ARL5A: variants seen among roughly 807,000 people sequenced by gnomAD.
ARL5A encodes the protein ARF like GTPase 5A, also known as ADP-ribosylation factor-like protein 5A.
Under a neutral mutation model 25.9 loss-of-function variants are expected in ARL5A, and 18 were observed. The observed-to-expected ratio is 0.69, with a 90% confidence interval of 0.48 to 1.03. The LOEUF (loss-of-function observed/expected upper bound fraction) is 1.03, where lower values mean the gene tolerates loss of function less well. Ranked by LOEUF, ARL5A falls within the 50% of genes least tolerant of loss-of-function variation. The pLI, the probability that ARL5A is intolerant of heterozygous loss-of-function variation, is 0.00. For synonymous variants in ARL5A, 61 were observed against 67.5 expected (o/e 0.90, Z 0.47); for missense variants, 170 against 211.9 (o/e 0.80, Z 1.23).
intron 1 of ARL5A, among the ~76,000 whole-genome samples, chr2:151,827,050 G>A (rs1578385268): frequency 6.6e-6 from 1 of 152,160 alleles, no homozygotes; most frequent in South Asian, 2.1e-4. Context: ...AGTAGTAGGT[G>A]TACATAATAG....
chr2:151,826,947 C>T (rs2099833139), intron 1 of ARL5A, among the ~76,000 whole-genome samples: 2 of 147,006 alleles, frequency 1.4e-5, no homozygotes, highest in Non-Finnish European at 3.0e-5. Context: ...TGTGTGTGTG[C>T]GTAAAAGATA....
chr2:151,819,512 A>G (rs1186552341), intron 1 of ARL5A, among the ~76,000 whole-genome samples: 1 of 152,232 alleles, frequency 6.6e-6, no homozygotes, highest in Non-Finnish European at 1.5e-5. Context: ...TTGTTTCCAA[A>G]GAACTTCTGA....
chr2:151,828,041 C>T (rs2099833324), intron 1 of ARL5A, 90 bp downstream of exon 1: 3 of 1,428,528 alleles, frequency 2.1e-6, no homozygotes, highest in African/African-American at 2.9e-5. Context: ...GACCGAGCCG[C>T]CCACATTCCG....
At chr2:151,815,239 G>T in intron 1 of ARL5A, 40 bp from the exon 2 acceptor site, 1 of 1,497,408 alleles carries the variant, frequency 6.7e-7, no homozygotes. Context: ...TTTCAAAAAA[G>T]GAAAAAAAAA....
At chr2:151,815,655 T>G (rs1292395781) in intron 1 of ARL5A, among the ~76,000 whole-genome samples, 1 of 152,162 alleles carries the variant, frequency 6.6e-6, no homozygotes, top group African/African-American at 2.4e-5. Flanking sequence ...TTTAAATGGG[T>G]AATCGTAAAT....
At position 151,799,818 on chromosome 2, in the gene ARL5A, T is replaced by G. The variant is rs369054819; in HGVS notation, c.*3458A>C. On this transcript the variant is annotated 3_prime_UTR_variant, in exon 6 of 6. Coordinates refer to ENST00000295087, the MANE Select transcript of ARL5A (RefSeq NM_012097.4). ...ATAGAAACCACTGGTTTGGAAACCA[T>G]TGTCTATAACAATAGTTACAAAGAA... 3 of 152,252 alleles carry G rather than the reference T, an allele frequency of 2.0e-5. No individual in the cohort carries two copies. Among genetic ancestry groups the G allele is most frequent in the African/African-American group, 7.2e-5 (3 of 41,542 alleles). 9.4% of individuals were successfully genotyped at this position (152,252 alleles called of 1,614,324 possible).
At chr2:151,813,028 G>A (rs1476569312) in intron 3 of ARL5A, among the ~76,000 whole-genome samples, 2 of 152,148 alleles carry the variant, frequency 1.3e-5, no homozygotes, top group Non-Finnish European at 2.9e-5. Context: ...AAAGACTTGT[G>A]ATTGTTGTGC....
chr2:151,826,980 T>C (rs1578385227), intron 1 of ARL5A, among the ~76,000 whole-genome samples: 1 of 152,182 alleles, frequency 6.6e-6, no homozygotes, highest in African/African-American at 2.4e-5. Flanking sequence ...CAAGTTCTAG[T>C]TCTGCTTGCT....
intron 1 of ARL5A, among the ~76,000 whole-genome samples, chr2:151,815,876 T>C (rs891757050): frequency 2.0e-5 from 3 of 152,316 alleles, no homozygotes; most frequent in South Asian, 4.1e-4. Flanking sequence ...GATGTTTTCT[T>C]GCACCCTCTT....
rs1259644037 is a variant in ARL5A, at chr2:151,803,041, T to C, written c.*235A>G. ...CACAATGTCCTGAGAGGATTCATTA[T>C]GAGAAAAATGTCAATCACAGCTTCA... On this transcript the variant is annotated 3_prime_UTR_variant, in exon 6 of 6. Coordinates refer to ENST00000295087, the MANE Select transcript of ARL5A (RefSeq NM_012097.4). 1.3e-5 allele frequency: 6 copies of C among 479,328 alleles called. No homozygotes were observed. The highest frequency in any genetic ancestry group is 4.0e-5 in the African/African-American group (2 of 49,710). The allele number at this position is 479,328 out of a possible 1,614,324, so 29.7% of individuals were successfully genotyped here.
In ARL5A at chr2:151,799,414, T is replaced by C. The variant is rs1358089790; in HGVS notation, c.*3862A>G. 2 of 152,138 alleles carry C rather than the reference T, an allele frequency of 1.3e-5. No homozygotes were observed. Among genetic ancestry groups the C allele is most frequent in the African/African-American group, 2.4e-5 (1 of 41,434 alleles). The allele number at this position is 152,138 out of a possible 1,614,324, so 9.4% of individuals were successfully genotyped here. A position where few individuals can be genotyped will look rare whatever the true frequency, so the allele number is the denominator to read the frequency against. On this transcript the variant is annotated 3_prime_UTR_variant, in exon 6 of 6. Coordinates refer to ENST00000295087, the MANE Select transcript of ARL5A (RefSeq NM_012097.4). ...GAATGCCCTTAGATTATAGACTACA[T>C]ATAAATTTGGTTTGGCATCTTTTTC...
chr2:151,806,956 C>A lies in ARL5A; in HGVS notation c.356G>T (p.Gly119Val). 1 of 1,610,926 alleles carries A rather than the reference C, an allele frequency of 6.2e-7. No individual in the cohort carries two copies. The highest frequency in any genetic ancestry group is 8.5e-7 in the Non-Finnish European group (1 of 1,178,868). The change falls in exon 5 of 6, where the codon GGA becomes GTA. Residue 119 changes from glycine (G) to valine (V), a missense_variant. By Grantham distance (109) the Gly-to-Val change is moderately radical. Transcript: ENST00000295087. ...MLAHEDLRKA[G>V]LLIFANKQDV... Reference sequence around the variant, plus strand: ...TTGTTTATTAGCAAAAATCAGCAATCCAGCTTTTCTTAGGTCCTATTAAAG... The same window carrying A: ...TTGTTTATTAGCAAAAATCAGCAATACAGCTTTTCTTAGGTCCTATTAAAG...
chr2:151,816,936 T>G (rs1330603112), intron 1 of ARL5A, among the ~76,000 whole-genome samples: 2 of 152,184 alleles, frequency 1.3e-5, no homozygotes, highest in Non-Finnish European at 2.9e-5. Context: ...TTGAGCACAT[T>G]TAAGGTAGGC....
chr2:151,814,933 A>G (rs543501191), intron 2 of ARL5A, among the ~76,000 whole-genome samples: 18 of 152,220 alleles, frequency 1.2e-4, no homozygotes, highest in African/African-American at 4.1e-4. Context: ...TGGACAACTC[A>G]ATGCCAACTA....
intron 1 of ARL5A, among the ~76,000 whole-genome samples, chr2:151,816,377 G>C (rs1441602875): frequency 6.6e-6 from 1 of 152,174 alleles, no homozygotes; most frequent in East Asian, 1.9e-4. Flanking sequence ...GCTGCTATCT[G>C]ACTGCAACCA....
chr2:151,806,701 A>G (rs2099830162), intron 5 of ARL5A, 120 bp downstream of exon 5: 2 of 973,738 alleles, frequency 2.1e-6, no homozygotes, highest in Non-Finnish European at 2.9e-6. Context: ...ACTACAGCTT[A>G]CGTCTGTCCC....
intron 3 of ARL5A, among the ~76,000 whole-genome samples, chr2:151,813,119 AACTT>A (rs1167620201): frequency 2.0e-5 from 3 of 152,236 alleles, no homozygotes; most frequent in Admixed American, 6.5e-5. Flanking sequence ...ATGGAGATTT[AACTT>A]ACTTACTTTA....
intron 2 of ARL5A, among the ~76,000 whole-genome samples, chr2:151,814,520 G>A (rs1392144081): frequency 6.6e-6 from 1 of 151,998 alleles, no homozygotes; most frequent in Non-Finnish European, 1.5e-5. Context: ...GGTCATTCCA[G>A]GAAACTTTAT....
At chr2:151,807,070 T>A in intron 4 of ARL5A, 98 bp from the exon 5 acceptor site, 1 of 1,134,982 alleles carries the variant, frequency 8.8e-7, no homozygotes, top group South Asian at 1.6e-5. Context: ...AAACAAGAAT[T>A]TCTCAACTAT....
Sources: gnomAD v4.1 joint callset for allele counts (sites outside exome capture counted in the v4.1 genomes callset) on GRCh38, gnomAD v4.1.1 for gene constraint, MANE v1.5 for transcripts, NCBI Gene and HGNC (gene_info 2026-07-23, HGNC 2026-07-21) for gene names.